Variants in DZIP3 observed in about 807,000 individuals in gnomAD.
The protein encoded by DZIP3 is DAZ interacting zinc finger protein 3.
DZIP3 carries 118 observed loss-of-function variants against 162.0 expected under a neutral mutation model. The observed-to-expected ratio is 0.73, with a 90% CI of 0.63 to 0.85. DZIP3 has a LOEUF of 0.85. DZIP3 is among the 40% of genes least tolerant of loss of function. The pLI is 0.00. For missense variants in DZIP3, 1,331 were observed against 1,407.0 expected (o/e 0.95, Z 0.86); for synonymous variants, 438 against 458.6 (o/e 0.96, Z 0.57).
chr3:108,629,647 C>T (rs1941738329), intron 8 of DZIP3, among the ~76,000 whole-genome samples: 1 of 151,890 alleles, frequency 6.6e-6, no homozygotes, highest in South Asian at 2.1e-4. Context: ...CATATAAACA[C>T]CAATAGCTTT....
intron 26 of DZIP3, among the ~76,000 whole-genome samples, chr3:108,678,790 C>T (rs944134772): frequency 2.6e-4 from 39 of 151,966 alleles, no homozygotes; most frequent in Non-Finnish European, 4.4e-5. Context: ...TTTGATATCA[C>T]CACTCCTGCT....
intron 32 of DZIP3, among the ~76,000 whole-genome samples, chr3:108,692,546 C>T (rs1419497857): frequency 6.6e-6 from 1 of 152,196 alleles, no homozygotes; most frequent in East Asian, 1.9e-4. Flanking sequence ...TGCGTCACTG[C>T]TTATTTTTCT....
At position 108,644,800 on chromosome 3, in the gene DZIP3, C is replaced by T. The variant is rs746591652; in HGVS notation, c.1759+19C>T. ...CAACAAGGTACTAAATGATTATTTA[C>T]TTCAGCCAATAAACTTCCATTGATT... On this transcript the variant is annotated intron_variant, in intron 14 of 32. Coordinates refer to ENST00000361582, the MANE Select transcript of DZIP3 (RefSeq NM_014648.4). 6.3e-7 allele frequency: 1 copy of T among 1,582,100 alleles called. No individual in the cohort carries two copies. The highest frequency in any genetic ancestry group is 8.6e-7 in the Non-Finnish European group (1 of 1,165,228).
Position 108,616,692 on chromosome 3 carries a change from G to C in DZIP3, c.375+35G>C, listed in dbSNP as rs1270707469. The C allele has an allele frequency of 2.1e-6, 3 of 1,430,572 alleles. No homozygotes were observed. The African/African-American group carries it at 4.3e-5, about 21-fold the overall frequency. The allele number at this position is 1,430,572 out of a possible 1,614,324, so 88.6% of individuals were successfully genotyped here. A position where few individuals can be genotyped will look rare whatever the true frequency, so the allele number is the denominator to read the frequency against. The stretch of plus-strand genomic sequence containing the variant: ...TTCTTTTTGGAAATTTGATATAATG[G>C]ACTTGGTCAACATTTCTCAGTGAGA... On this transcript the variant is annotated intron_variant, in intron 5 of 32. Transcript: ENST00000361582.
rs773465860 is a variant in DZIP3 at position 108,651,199 on chromosome 3, A to G, written c.2033+37A>G. 5 of 668,966 alleles carry G rather than the reference A, an allele frequency of 7.5e-6. No individual in the cohort carries two copies. In the South Asian group the frequency reaches 1.4e-4, roughly 19 times the overall value. 41.4% of individuals were successfully genotyped at this position (668,966 alleles called of 1,614,324 possible). ...TTTATTTAATTTTTAAATTTTTCTT[A>G]GTATTTTTAAGGCATACTTTCCTAA... is the stretch of plus-strand genomic sequence containing the variant. On this transcript the variant is annotated intron_variant, in intron 18 of 32. Coordinates refer to ENST00000361582, the MANE Select transcript of DZIP3 (RefSeq NM_014648.4).
chr3:108,597,504 A>G (rs1326836600), intron 1 of DZIP3, among the ~76,000 whole-genome samples: 1 of 152,164 alleles, frequency 6.6e-6, no homozygotes, highest in Non-Finnish European at 1.5e-5. Context: ...GTTAAGGAAC[A>G]GTAATCCTGG....
rs763972166 is a variant in DZIP3 at position 108,636,590 on chromosome 3, TTA to T, written c.919-24_919-23del. 22 of 1,446,992 alleles carry T rather than the reference TTA, an allele frequency of 1.5e-5. No individual in the cohort carries two copies. In the African/African-American group the frequency reaches 2.5e-4, roughly 17 times the overall value. The allele number at this position is 1,446,992 out of a possible 1,614,324, so 89.6% of individuals were successfully genotyped here. ...GCACATCAGTGATTTTTTTCTATTT[TTA>T]TTTTTTTCTATTAATAAATTTAGAG... On this transcript the variant is annotated intron_variant, in intron 10 of 32. Coordinates refer to ENST00000361582, the MANE Select transcript of DZIP3 (RefSeq NM_014648.4).
At chr3:108,596,301 G>A (rs1939709671) in intron 1 of DZIP3, among the ~76,000 whole-genome samples, 1 of 152,188 alleles carries the variant, frequency 6.6e-6, no homozygotes, top group Non-Finnish European at 1.5e-5. Flanking sequence ...TTTAGGTTAT[G>A]TTGTGATGTT....
Position 108,669,687 on chromosome 3 carries a change from G to C in DZIP3, c.2430G>C (p.Gln810His), listed in dbSNP as rs570567209. 12 of 1,610,792 alleles carry C rather than the reference G, an allele frequency of 7.4e-6. No individual in the cohort carries two copies. The African/African-American group carries it at 8.0e-5, about 11-fold the overall frequency. Residue 810 changes from glutamine (Q) to histidine (H), a missense_variant, in exon 22 of 33, where the codon CAG becomes CAC. Around this residue, in one of 2 missense-constraint regions of DZIP3, gnomAD observed 1,278 missense variants for 1,317.1 expected, o/e 0.97. Coordinates refer to ENST00000361582, the MANE Select transcript of DZIP3 (RefSeq NM_014648.4). ...TTCTTGCTTGTTTGCTTAGATTACA[G>C]CGTCAAATCCATGCTAAAGATAATG... is the stretch of plus-strand genomic sequence containing the variant. ...AFGINKVSKL[Q>H]RQIHAKDNEI...
At position 108,644,462 on chromosome 3, in the gene DZIP3, C is replaced by T. The variant is rs1430703900; in HGVS notation, c.1440C>T (p.Phe480=). Residue 480 remains phenylalanine (F), a synonymous_variant, in exon 14 of 33, where the codon TTC becomes TTT. Coordinates refer to ENST00000361582, the MANE Select transcript of DZIP3 (RefSeq NM_014648.4). Reference sequence around the variant, plus strand: ...CTCTTATAAAACATTTAAATGTGTTCCCTGCACCCAAAAAAGGATGGAATA... The same window carrying T: ...CTCTTATAAAACATTTAAATGTGTTTCCTGCACCCAAAAAAGGATGGAATA... The part of the protein sequence containing the change: ...LLALIKHLNV[F]PAPKKGWNME... 3.1e-6 allele frequency: 5 copies of T among 1,613,908 alleles called. No homozygotes were observed. The highest frequency in any genetic ancestry group is 4.2e-6 in the Non-Finnish European group (5 of 1,179,966).
chr3:108,604,112 C>G (rs1940188258), intron 1 of DZIP3, among the ~76,000 whole-genome samples: 1 of 152,140 alleles, frequency 6.6e-6, no homozygotes, highest in South Asian at 2.1e-4. Context: ...TTACCCTATG[C>G]TGAATTACCT....
chr3:108,665,950 A>G (rs1483656093), intron 21 of DZIP3, among the ~76,000 whole-genome samples: 1 of 152,174 alleles, frequency 6.6e-6, no homozygotes, highest in African/African-American at 2.4e-5. Context: ...TCTTACCGTT[A>G]AAGTATGGCT....
chr3:108,638,317 T>TGTTTGTTTG (rs112009645), intron 12 of DZIP3, among the ~76,000 whole-genome samples: 1 of 151,712 alleles, frequency 6.6e-6, no homozygotes, highest in Admixed American at 6.6e-5. Flanking sequence ...ATTTAGGTTT[T>TGTTTGTTTG]TTTGTTTGTT....
chr3:108,608,107 T>G lies in DZIP3; in HGVS notation c.51T>G (p.Asp17Glu). 1 of 1,613,168 alleles carries G rather than the reference T, an allele frequency of 6.2e-7. No homozygotes were observed. The highest frequency in any genetic ancestry group is 8.5e-7 in the Non-Finnish European group (1 of 1,179,432). The change falls in exon 3 of 33, where the codon GAT becomes GAG. Residue 17 changes from aspartate (D) to glutamate (E), a missense_variant. Physicochemically the swap from Asp to Glu is conservative, Grantham distance 45 (BLOSUM62 2). This residue lies in a region of DZIP3 where 1,278 missense variants were observed against 1,317.1 expected (regional missense o/e 0.97). Transcript: ENST00000361582. ...AAAATAGGCATCCTGCTGTGGAGGATCAGAGGAAGGAAGAAACTGAGAATA... is the reference window on the plus strand; with the variant it reads ...AAAATAGGCATCCTGCTGTGGAGGAGCAGAGGAAGGAAGAAACTGAGAATA... ...EFFVRHPAVE[D>E]QRKEETENKL...
intron 7 of DZIP3, among the ~76,000 whole-genome samples, chr3:108,627,311 A>G (rs775525758): frequency 5.9e-5 from 9 of 152,230 alleles, no homozygotes; most frequent in Non-Finnish European, 1.2e-4. Flanking sequence ...GTTGTATGGC[A>G]GTATCATTAC....
rs1442052712 is a variant in DZIP3 at position 108,608,094 on chromosome 3, C to G, written c.38C>G (p.Pro13Arg). The G allele has an allele frequency of 1.2e-6, 2 of 1,612,362 alleles. No individual in the cohort carries two copies. Among genetic ancestry groups the G allele is most frequent in the African/African-American group, 1.3e-5 (1 of 74,948 alleles). The change falls in exon 3 of 33, where the codon CCT becomes CGT. Residue 13 changes from proline to arginine, a missense_variant. Physicochemically the swap from Pro to Arg is moderately radical, Grantham distance 103. Transcript: ENST00000361582. ...SLPDEFFVRH[P>R]AVEDQRKEET... ...CTCATTTTCATTTAAAATAGGCATCCTGCTGTGGAGGATCAGAGGAAGGAA... is the reference window on the plus strand; with the variant it reads ...CTCATTTTCATTTAAAATAGGCATCGTGCTGTGGAGGATCAGAGGAAGGAA...
At chr3:108,622,836 GTCTCTCTCTCTCTCTC>G (rs368466391) in intron 5 of DZIP3, among the ~76,000 whole-genome samples, 7 of 62,840 alleles carry the variant, frequency 1.1e-4, no homozygotes, top group East Asian at 4.8e-4. Context: ...AACAAACAGA[GTCTCTCTCTCTCTCTC>G]TCTCTCTCTC....
intron 1 of DZIP3, among the ~76,000 whole-genome samples, chr3:108,603,601 G>C (rs1301287130): frequency 6.6e-6 from 1 of 152,156 alleles, no homozygotes; most frequent in Non-Finnish European, 1.5e-5. Flanking sequence ...TTTTGTTGGG[G>C]ATGAGCAAGA....
intron 15 of DZIP3, 39 bp downstream of exon 15, chr3:108,646,688 T>C: frequency 7.4e-7 from 1 of 1,347,872 alleles, no homozygotes; most frequent in Non-Finnish European, 1.0e-6. Flanking sequence ...AATGACTTTT[T>C]AACAAGGGAT....
Sources: gnomAD v4.1 joint callset for allele counts (sites outside exome capture counted in the v4.1 genomes callset) on GRCh38, gnomAD v4.1.1 for gene constraint, gnomAD v4.1.1 regional missense constraint, MANE v1.5 for transcripts, NCBI Gene and HGNC (gene_info 2026-07-23, HGNC 2026-07-21) for gene names.